The following SLC6A4 variants were observed in gnomAD, a reference collection of about 807,000 sequenced individuals.
The protein encoded by SLC6A4 is sodium-dependent serotonin transporter.
Under a neutral mutation model 73.4 loss-of-function variants are expected in SLC6A4, and 22 were observed. The ratio of observed to expected loss-of-function variants is 0.30; its 90% CI spans 0.21 to 0.43. The LOEUF (loss-of-function observed/expected upper bound fraction) is 0.43. Ranked by LOEUF, SLC6A4 falls within the 20% of genes least tolerant of loss-of-function variation. SLC6A4 has a pLI of 1.00. For synonymous variants in SLC6A4, 270 were observed against 315.5 expected (o/e 0.86, Z 1.53); for missense variants, 593 against 808.5 (o/e 0.73, Z 3.23).
At chr17:30,226,864 C>A (rs1236996981) in intron 1 of SLC6A4, among the ~76,000 whole-genome samples, 5 of 33,908 alleles carry the variant, frequency 1.5e-4, no homozygotes, top group African/African-American at 1.5e-3. Context: ...TAGAGTGAGA[C>A]TCTGTCTCAA....
Position 30,211,477 on chromosome 17 carries a change from G to T in SLC6A4, c.1205-53C>A. On this transcript the variant is annotated intron_variant, in intron 9 of 14. Coordinates refer to ENST00000650711, the MANE Select transcript of SLC6A4 (RefSeq NM_001045.6). The surrounding 1 kb of genome is among the most constrained non-coding windows in gnomAD (Gnocchi z 4.0). Reference sequence around the variant, plus strand: ...TGGTTGACAAGACCTGTCCTACAAAGATGTCACAGAGGAAAACTCAGCCAC... The same window carrying T: ...TGGTTGACAAGACCTGTCCTACAAATATGTCACAGAGGAAAACTCAGCCAC... The T allele has an allele frequency of 9.0e-7, 1 of 1,107,616 alleles. No individual in the cohort carries two copies. The highest frequency in any genetic ancestry group is 1.4e-6 in the Non-Finnish European group (1 of 720,208). 68.6% of individuals were successfully genotyped at this position (1,107,616 alleles called of 1,614,324 possible). A position where few individuals can be genotyped will look rare whatever the true frequency, so the allele number is the denominator to read the frequency against.
chr17:30,227,202 C>G (rs1906956367), intron 1 of SLC6A4, among the ~76,000 whole-genome samples: 1 of 152,166 alleles, frequency 6.6e-6, no homozygotes, highest in African/African-American at 2.4e-5. Flanking sequence ...AATGGGGGCT[C>G]ACGTTTGCAT....
chr17:30,214,882 C>G (rs1350502043), intron 8 of SLC6A4, among the ~76,000 whole-genome samples: 1 of 152,048 alleles, frequency 6.6e-6, no homozygotes, highest in African/African-American at 2.4e-5. Context: ...ATCCACCCGC[C>G]TCGGCCTCCC....
intron 8 of SLC6A4, 64 bp downstream of exon 8, chr17:30,215,547 T>C: frequency 7.5e-7 from 1 of 1,338,332 alleles, no homozygotes; most frequent in Non-Finnish European, 1.1e-6. Flanking sequence ...ATCACCTTCC[T>C]CCACACTAGC....
chr17:30,218,362 A>C, intron 4 of SLC6A4, 25 bp from the exon 5 acceptor site: 1 of 1,586,044 alleles, frequency 6.3e-7, no homozygotes, highest in East Asian at 2.2e-5. Context: ...AGATGGAGAG[A>C]CAGAGGCCGA....
At chr17:30,208,191 C>A (rs1034791512) in intron 12 of SLC6A4, among the ~76,000 whole-genome samples, 3 of 152,136 alleles carry the variant, frequency 2.0e-5, no homozygotes, top group Non-Finnish European at 4.4e-5. Flanking sequence ...ACACCCCCTT[C>A]TTGGTGCCAC....
chr17:30,220,354 C>T (rs1053086512), intron 3 of SLC6A4, among the ~76,000 whole-genome samples: 1 of 152,182 alleles, frequency 6.6e-6, no homozygotes, highest in African/African-American at 2.4e-5. Flanking sequence ...CAAACCCATT[C>T]ACTTTTCCCC....
chr17:30,221,909 T>C lies in SLC6A4; in HGVS notation c.50A>G (p.Asp17Gly). Reference protein sequence around the residue: ...NSQKQLSACEDGEDCQENGVL... With the variant: ...NSQKQLSACEGGEDCQENGVL... ...TCCGTTTTCCTGACAATCTTCTCCA[T>C]CTTCACACGCTGATAGCTGCTTCTG... The change falls in exon 3 of 15, where the codon GAT becomes GGT. Residue 17 changes from aspartate to glycine, a missense_variant. Transcript: ENST00000650711. 1 of 1,614,164 alleles carries C rather than the reference T, an allele frequency of 6.2e-7. No individual in the cohort carries two copies. The highest frequency in any genetic ancestry group is 8.5e-7 in the Non-Finnish European group (1 of 1,180,036).
At chr17:30,204,691 T>C (rs1906136042) in intron 13 of SLC6A4, among the ~76,000 whole-genome samples, 1 of 152,228 alleles carries the variant, frequency 6.6e-6, no homozygotes, top group African/African-American at 2.4e-5. Context: ...TTTAGTAAGC[T>C]ACTTGTTGTT....
chr17:30,218,430 C>T, intron 4 of SLC6A4, 93 bp from the exon 5 acceptor site: 1 of 957,392 alleles, frequency 1.0e-6, no homozygotes, highest in Non-Finnish European at 1.6e-6. Context: ...GCCCCGCAGC[C>T]CAGCAGAGGG....
In SLC6A4 at chr17:30,224,225, GT is replaced by G. The variant is rs796258128; in HGVS notation, c.-220-1311del. ...TTCCTCCCACTGGCCCCACAGTTTT[GT>G]TTTTTTTTTTTTGAAACAGTCTTGC... On this transcript the variant is annotated intron_variant, in intron 1 of 14. Transcript: ENST00000650711. 3.9e-3 allele frequency among the ~76,000 whole-genome samples: 552 copies of G among 140,634 alleles called. 4 individuals carry two copies. Among genetic ancestry groups the G allele is most frequent in the South Asian group, 0.039 (172 of 4,400 alleles). 92.3% of individuals were successfully genotyped at this position (140,634 alleles called of 152,430 possible).
intron 12 of SLC6A4, among the ~76,000 whole-genome samples, chr17:30,208,079 A>G (rs1201325597): frequency 1.3e-5 from 2 of 152,170 alleles, no homozygotes; most frequent in African/African-American, 4.8e-5. Context: ...CTGCATTTTT[A>G]TAGCAAGCAA....
chr17:30,224,822 G>A (rs1216798077), intron 1 of SLC6A4, among the ~76,000 whole-genome samples: 3 of 152,152 alleles, frequency 2.0e-5, no homozygotes, highest in Non-Finnish European at 1.5e-5. Flanking sequence ...GTGCAGGTAG[G>A]TAGATTTTTG....
chr17:30,207,842 C>T lies in SLC6A4; in HGVS notation c.1550-10G>A, dbSNP rs1317512351. The T allele has an allele frequency of 6.2e-7, 1 of 1,607,230 alleles. No individual in the cohort carries two copies. The highest frequency in any genetic ancestry group is 8.5e-7 in the Non-Finnish European group (1 of 1,174,014). On this transcript the variant is annotated splice_polypyrimidine_tract_variant and intron_variant, in intron 12 of 14. Transcript: ENST00000650711. ...CAGAACTGAGTGATGCCTGGAACCG[C>T]CCAAGGGGAAGAGAGGCAGAGACTA...
intron 6 of SLC6A4, 142 bp downstream of exon 6, chr17:30,217,024 G>A: frequency 1.4e-6 from 1 of 725,830 alleles, no homozygotes; most frequent in Non-Finnish European, 2.2e-6. Context: ...TCTAACAAAT[G>A]CGGTGAAGAG....
chr17:30,225,185 G>A (rs1906891310), intron 1 of SLC6A4, among the ~76,000 whole-genome samples: 1 of 151,928 alleles, frequency 6.6e-6, no homozygotes, highest in African/African-American at 2.4e-5. Flanking sequence ...AATCTGGGGT[G>A]CAAACACAAA....
At chr17:30,212,050 C>T (rs999269720) in intron 9 of SLC6A4, among the ~76,000 whole-genome samples, 38 of 152,252 alleles carry the variant, frequency 2.5e-4, no homozygotes, top group African/African-American at 8.9e-4. Flanking sequence ...CCTGGGACCT[C>T]GCCCACTAGA....
At position 30,230,045 on chromosome 17, in the gene SLC6A4, A is replaced by AAAGAAGAAGAAGAAGAAGAAGAAG. The variant is rs1189804200; in HGVS notation, c.-221+5544_-221+5567dup. 1.8e-3 allele frequency among the ~76,000 whole-genome samples: 203 copies of AAAGAAGAAGAAGAAGAAGAAGAAG among 111,136 alleles called. 1 individual carries two copies. Among genetic ancestry groups the AAAGAAGAAGAAGAAGAAGAAGAAG allele is most frequent in the East Asian group, 0.011 (38 of 3,598 alleles). 72.9% of individuals were successfully genotyped at this position (111,136 alleles called of 152,430 possible). A position where few individuals can be genotyped will look rare whatever the true frequency, so the allele number is the denominator to read the frequency against. ...AAAAAAGAAGAAGAAGAAAAAGAAG[A>AAAGAAGAAGAAGAAGAAGAAGAAG]AAGAAGAAGAAGAAGAAGAAGAAGA... On this transcript the variant is annotated intron_variant, in intron 1 of 14. Transcript: ENST00000650711.
intron 14 of SLC6A4, among the ~76,000 whole-genome samples, chr17:30,201,078 C>T (rs780953583): frequency 1.3e-5 from 2 of 152,136 alleles, no homozygotes; most frequent in Admixed American, 1.3e-4. Flanking sequence ...CCACTGTGCC[C>T]GGCCAAGAAA....
Sources: allele counts gnomAD v4.1 joint callset (sites outside exome capture counted in the v4.1 genomes callset), GRCh38; gene constraint gnomAD v4.1.1; non-coding constraint Gnocchi (gnomAD v3.1); transcripts MANE v1.5; gene names NCBI Gene and HGNC (gene_info 2026-07-23, HGNC 2026-07-21).